Variants in PEBP4 observed in about 807,000 individuals in gnomAD.
The protein encoded by PEBP4 is phosphatidylethanolamine-binding protein 4.
A neutral mutation model predicts 23.9 loss-of-function variants in PEBP4; 22 were observed. The observed-to-expected ratio is 0.92, with a 90% CI of 0.66 to 1.31. The LOEUF (loss-of-function observed/expected upper bound fraction) is 1.31, where lower values mean the gene tolerates loss of function less well. Ranked by LOEUF, PEBP4 falls within the 40% of genes most tolerant of loss-of-function variation. The pLI, the probability that PEBP4 is intolerant of heterozygous loss-of-function variation, is 0.00. For missense variants in PEBP4, 324 were observed against 281.7 expected, an observed-to-expected ratio of 1.15 and a Z score of -1.07; for synonymous variants, 112 against 99.3, an observed-to-expected ratio of 1.13 and a Z score of -0.76.
At chr8:22,917,128 A>T (rs374429480) in intron 3 of PEBP4, among the ~76,000 whole-genome samples, 2 of 108,348 alleles carry the variant, frequency 1.8e-5, no homozygotes, top group South Asian at 3.1e-4. Context: ...GGGGCGGGGG[A>T]GGGGGGGGTG....
intron 4 of PEBP4, among the ~76,000 whole-genome samples, chr8:22,791,821 A>G (rs1425384513): frequency 6.6e-6 from 1 of 152,104 alleles, no homozygotes; most frequent in Admixed American, 6.5e-5. Context: ...AAGTCAGACA[A>G]AGCCTGTGCA....
chr8:22,932,604 G>A (rs1473294449), upstream of PEBP4, among the ~76,000 whole-genome samples: 5 of 152,034 alleles, frequency 3.3e-5, no homozygotes, highest in Non-Finnish European at 7.4e-5. Flanking sequence ...ACAGCCAAAG[G>A]TTAGAGCAGC....
intron 3 of PEBP4, among the ~76,000 whole-genome samples, chr8:22,888,556 T>C (rs2457427): frequency 0.83 from 126,499 of 152,216 alleles, 53,330 homozygotes; most frequent in East Asian, 1. Context: ...TGGCCAGGCT[T>C]CTGGAGCCCT....
rs991649698 is a variant in PEBP4, at chr8:22,865,380, TGGCGGC to T, written c.259-47651_259-47646del. ...CGGGCGGTGACGGTGGCGGTGGCGG[TGGCGGC>T]GGCGGGACCCCGGGCCTGGCTGCGC... is the stretch of plus-strand genomic sequence containing the variant. On this transcript the variant is annotated intron_variant, in intron 3 of 6. Transcript: ENST00000256404. The surrounding 1 kb of genome is among the most constrained non-coding windows in gnomAD (Gnocchi z 6.9). 3.9e-5 allele frequency among the ~76,000 whole-genome samples: 4 copies of T among 101,356 alleles called. No homozygotes were observed. Among genetic ancestry groups the T allele is most frequent in the Non-Finnish European group, 8.5e-5 (4 of 47,026 alleles). 66.5% of individuals were successfully genotyped at this position (101,356 alleles called of 152,430 possible).
chr8:22,920,245 T>C lies in PEBP4; in HGVS notation c.197A>G (p.Asn66Ser). Reference sequence around the variant, plus strand: ...CCAGGAGGTGATCTTCTGTCTGTAGTTGTTACAATCAGGAACAACCTTGCA... The same window carrying C: ...CCAGGAGGTGATCTTCTGTCTGTAGCTGTTACAATCAGGAACAACCTTGCA... The part of the protein sequence containing the change: ...IGCKVVPDCN[N>S]YRQKITSWME... The change falls in exon 3 of 7, where the codon AAC becomes AGC. Residue 66 changes from asparagine (N) to serine (S), a missense_variant. Transcript: ENST00000256404. The C allele has an allele frequency of 6.2e-7, 1 of 1,613,820 alleles. No individual in the cohort carries two copies. Among genetic ancestry groups the C allele is most frequent in the Non-Finnish European group, 8.5e-7 (1 of 1,179,836 alleles).
chr8:22,827,245 T>A (rs2128763422), intron 3 of PEBP4, among the ~76,000 whole-genome samples: 1 of 152,344 alleles, frequency 6.6e-6, no homozygotes, highest in Non-Finnish European at 1.5e-5. Flanking sequence ...AGGTATAGTT[T>A]ACATATAATA....
chr8:22,827,566 T>C (rs1324216071), intron 3 of PEBP4, among the ~76,000 whole-genome samples: 6 of 152,242 alleles, frequency 3.9e-5, no homozygotes, highest in Admixed American at 1.3e-4. Context: ...GTACATGTAT[T>C]AGTACTTCAT....
At chr8:22,869,985 A>G (rs1003154823) in intron 3 of PEBP4, among the ~76,000 whole-genome samples, 4 of 152,210 alleles carry the variant, frequency 2.6e-5, no homozygotes, top group Admixed American at 2.0e-4. Context: ...TCTGCCTTCA[A>G]AGACAGTTTG....
intron 5 of PEBP4, among the ~76,000 whole-genome samples, chr8:22,725,515 C>G (rs1476099958): frequency 6.6e-6 from 1 of 151,956 alleles, no homozygotes; most frequent in Non-Finnish European, 1.5e-5. Flanking sequence ...GGGAGAAGTT[C>G]CCTCTCCCAG....
chr8:22,895,282 G>A (rs1048966092), intron 3 of PEBP4, among the ~76,000 whole-genome samples: 1 of 152,166 alleles, frequency 6.6e-6, no homozygotes, highest in African/African-American at 2.4e-5. Flanking sequence ...TAAGGTGACA[G>A]AAGTTCCTTG....
chr8:22,904,949 A>T (rs1015354592), intron 3 of PEBP4, among the ~76,000 whole-genome samples: 1 of 152,160 alleles, frequency 6.6e-6, no homozygotes, highest in Non-Finnish European at 1.5e-5. Context: ...ATCCTTTTAC[A>T]TAAATTTTTA....
chr8:22,862,475 C>G (rs926678320), intron 3 of PEBP4, among the ~76,000 whole-genome samples: 1 of 152,112 alleles, frequency 6.6e-6, no homozygotes, highest in Non-Finnish European at 1.5e-5. Flanking sequence ...GAAGACTTCA[C>G]AGGATCCGAA....
upstream of PEBP4, chr8:22,927,998 C>A: frequency 2.5e-6 from 1 of 393,168 alleles, no homozygotes; most frequent in Non-Finnish European, 4.6e-6. Context: ...TCACTCTTGT[C>A]CTGGCTGCCA....
In PEBP4 at chr8:22,837,591, C is replaced by G. The variant is rs572316648; in HGVS notation, c.259-19856G>C. 3.9e-5 allele frequency among the ~76,000 whole-genome samples: 6 copies of G among 152,304 alleles called. No individual in the cohort carries two copies. The South Asian group carries it at 1.2e-3, about 32-fold the overall frequency. On this transcript the variant is annotated intron_variant, in intron 3 of 6. Transcript: ENST00000256404. Reference sequence around the variant, plus strand: ...AGCCTGCCCAGGGGACTCCATCATACCCATACACATGCCCACACAGACGGA... The same window carrying G: ...AGCCTGCCCAGGGGACTCCATCATAGCCATACACATGCCCACACAGACGGA...
chr8:22,847,992 G>C (rs1024133551), intron 3 of PEBP4, among the ~76,000 whole-genome samples: 6 of 152,010 alleles, frequency 3.9e-5, no homozygotes, highest in Admixed American at 6.5e-5. Flanking sequence ...TACAACACAA[G>C]GCTTTTAATT....
At position 22,820,013 on chromosome 8, in the gene PEBP4, G is replaced by A. The variant is rs1320218094; in HGVS notation, c.259-2278C>T. 3.3e-5 allele frequency among the ~76,000 whole-genome samples: 5 copies of A among 152,202 alleles called. No individual in the cohort carries two copies. In the South Asian group the frequency reaches 8.3e-4, roughly 25 times the overall value. On this transcript the variant is annotated intron_variant, in intron 3 of 6. Transcript: ENST00000256404. ...GAGGAGGAAGGGGATCATTACAAGA[G>A]CTTTGGGCAGTGGAGAGGGGACACG... is the stretch of plus-strand genomic sequence containing the variant.
At chr8:22,880,030 G>A (rs1808211872) in intron 3 of PEBP4, among the ~76,000 whole-genome samples, 1 of 152,204 alleles carries the variant, frequency 6.6e-6, no homozygotes, top group Admixed American at 6.5e-5. Context: ...AAAGTAGATT[G>A]CCACATGCAT....
chr8:22,845,674 G>A (rs555753966), intron 3 of PEBP4, among the ~76,000 whole-genome samples: 1 of 152,346 alleles, frequency 6.6e-6, no homozygotes, highest in South Asian at 2.1e-4. Context: ...GAAACACCTT[G>A]CCATCCTTCA....
At chr8:22,768,612 G>A (rs1360625971) in intron 4 of PEBP4, among the ~76,000 whole-genome samples, 1 of 152,128 alleles carries the variant, frequency 6.6e-6, no homozygotes, top group Non-Finnish European at 1.5e-5. Context: ...CAGTGACGCA[G>A]CCTCGGGTGG....
Sources: gnomAD v4.1 joint callset for allele counts (sites outside exome capture counted in the v4.1 genomes callset) on GRCh38, gnomAD v4.1.1 for gene constraint, Gnocchi (gnomAD v3.1) non-coding constraint, MANE v1.5 for transcripts, NCBI Gene and HGNC (gene_info 2026-07-23, HGNC 2026-07-21) for gene names.